MCF2L2: variants seen among roughly 807,000 people sequenced by gnomAD.
MCF2L2 encodes the protein MCF.2 cell line derived transforming sequence-like 2, also known as probable guanine nucleotide exchange factor MCF2L2.
Under a neutral mutation model 150.2 loss-of-function variants are expected in MCF2L2, and 102 were observed. The observed-to-expected ratio is 0.68, with a 90% CI of 0.58 to 0.80. The LOEUF (loss-of-function observed/expected upper bound fraction) is 0.80, where lower values mean the gene tolerates loss of function less well. MCF2L2 is among the 30% of genes least tolerant of loss of function. The probability of loss-of-function intolerance (pLI) is 0.00; values close to 1 mark genes in which losing one functional copy is unlikely to be tolerated. For missense variants in MCF2L2, 1,256 were observed against 1,372.8 expected (o/e 0.91, Z 1.34); for synonymous variants, 465 against 491.3 (o/e 0.95, Z 0.71).
intron 25 of MCF2L2, among the ~76,000 whole-genome samples, chr3:183,204,403 G>A (rs1228459773): frequency 6.6e-6 from 1 of 151,958 alleles, no homozygotes; most frequent in Non-Finnish European, 1.5e-5. Flanking sequence ...CACTAGCCAT[G>A]AGGGAAATGT....
intron 14 of MCF2L2, among the ~76,000 whole-genome samples, chr3:183,279,612 G>A (rs1193782989): frequency 6.6e-6 from 1 of 152,196 alleles, no homozygotes; most frequent in Non-Finnish European, 1.5e-5. Flanking sequence ...TGTCATTCAT[G>A]GCCTGCCCTA....
At chr3:183,253,309 T>C (rs1724685061) in intron 15 of MCF2L2, 1 of 150,962 alleles carries the variant, frequency 6.6e-6, no homozygotes. Context: ...GCCCGTCCAG[T>C]CCTCGCCCAA....
At chr3:183,193,184 CT>C (rs1310202466) in intron 26 of MCF2L2, 88 bp from the exon 27 acceptor site, 1 of 1,067,276 alleles carries the variant, frequency 9.4e-7, no homozygotes, top group Non-Finnish European at 1.4e-6. Flanking sequence ...GCTGGCCCAC[CT>C]AGTGTATCTC....
At chr3:183,276,689 T>C (rs926498670) in intron 15 of MCF2L2, 183 bp downstream of exon 15, 1 of 468,796 alleles carries the variant, frequency 2.1e-6, no homozygotes, top group African/African-American at 2.0e-5. Flanking sequence ...TAAGCTCTTT[T>C]GCTTGTTGCT....
At chr3:183,389,571 TC>T in intron 2 of MCF2L2, 124 bp downstream of exon 2, 1 of 761,686 alleles carries the variant, frequency 1.3e-6, no homozygotes, top group South Asian at 1.6e-5. Context: ...CCTGTTCTAG[TC>T]CCGGGTGAAG....
intron 5 of MCF2L2, among the ~76,000 whole-genome samples, chr3:183,330,781 C>G (rs1411433085): frequency 1.3e-5 from 2 of 152,042 alleles, no homozygotes; most frequent in Admixed American, 6.6e-5. Context: ...TAATTGTGCT[C>G]ATCAAACCCA....
intron 14 of MCF2L2, among the ~76,000 whole-genome samples, chr3:183,279,820 A>G (rs1727371870): frequency 6.6e-6 from 1 of 152,200 alleles, no homozygotes; most frequent in Non-Finnish European, 1.5e-5. Context: ...CACGAGGTCA[A>G]GAGTTCAAGA....
intron 12 of MCF2L2, 108 bp downstream of exon 12, chr3:183,296,868 A>T: frequency 7.9e-7 from 1 of 1,268,802 alleles, no homozygotes; most frequent in Admixed American, 2.7e-5. Flanking sequence ...AGCCCACTCA[A>T]TTCAGCCTGC....
intron 5 of MCF2L2, among the ~76,000 whole-genome samples, chr3:183,332,229 G>T (rs1405994184): frequency 6.6e-6 from 1 of 152,198 alleles, no homozygotes; most frequent in Non-Finnish European, 1.5e-5. Context: ...CGTTTCTGGA[G>T]CATCAGCGCT....
chr3:183,288,728 C>T (rs1727939502), intron 14 of MCF2L2, among the ~76,000 whole-genome samples: 2 of 152,202 alleles, frequency 1.3e-5, no homozygotes, highest in South Asian at 2.1e-4. Context: ...GATCTTCCCA[C>T]CTCGGCCTCC....
chr3:183,344,014 A>G (rs970898358), intron 3 of MCF2L2, among the ~76,000 whole-genome samples: 10 of 151,982 alleles, frequency 6.6e-5, no homozygotes, highest in Non-Finnish European at 1.5e-4. Flanking sequence ...ACTAAAATTT[A>G]AAAAAATTAG....
chr3:183,318,378 G>T (rs3732593), intron 6 of MCF2L2, among the ~76,000 whole-genome samples, 161 bp from the exon 7 acceptor site: 40,432 of 152,056 alleles, frequency 0.27, 6,844 homozygotes, highest in African/African-American at 0.48. Context: ...TTAAAAAGAG[G>T]CTGGTTTTAG....
rs765005895 is a variant in MCF2L2, at chr3:183,300,115, T to C, written c.1195A>G (p.Arg399Gly). 2 of 1,614,046 alleles carry C rather than the reference T, an allele frequency of 1.2e-6. No individual in the cohort carries two copies. The highest frequency in any genetic ancestry group is 1.1e-5 in the South Asian group (1 of 91,056). Residue 399 changes from arginine to glycine, a missense_variant, in exon 11 of 30, where the codon AGG (arginine) becomes GGG (glycine). Transcript: ENST00000328913. ...QSHHYAADAIRPRCVELRHLC... is the reference protein window; with the variant it reads ...QSHHYAADAIGPRCVELRHLC... Reference sequence around the variant, plus strand: ...TGCCTGAGCTCCACACACCGGGGCCTGATGGCATCTGCTGCATAATGGTGG... The same window carrying C: ...TGCCTGAGCTCCACACACCGGGGCCCGATGGCATCTGCTGCATAATGGTGG...
At chr3:183,282,303 C>T (rs1436491245) in intron 14 of MCF2L2, among the ~76,000 whole-genome samples, 8 of 151,984 alleles carry the variant, frequency 5.3e-5, no homozygotes, top group East Asian at 3.9e-4. Flanking sequence ...CTCAGCCTCC[C>T]GAGTAGCTGG....
chr3:183,193,727 A>G (rs951915064), intron 26 of MCF2L2, among the ~76,000 whole-genome samples: 4 of 152,116 alleles, frequency 2.6e-5, no homozygotes, highest in African/African-American at 9.7e-5. Context: ...CTTCCTCTTT[A>G]CTGACCCAAA....
rs745972806 is a variant in MCF2L2, at chr3:183,389,785, CA to C, written c.77-7del. On this transcript the variant is annotated splice_region_variant and splice_polypyrimidine_tract_variant and intron_variant, in intron 1 of 29. Transcript: ENST00000328913. ...TTCCTGCTGCATAATTTCATCTGCA[CA>C]AATGAAATACAAAGTGGGTTAGTTA... 3 of 1,609,374 alleles carry C rather than the reference CA, an allele frequency of 1.9e-6. No homozygotes were observed. The highest frequency in any genetic ancestry group is 2.6e-6 in the Non-Finnish European group (3 of 1,175,914).
At chr3:183,317,823 C>G (rs1005422077) in intron 7 of MCF2L2, among the ~76,000 whole-genome samples, 15 of 152,158 alleles carry the variant, frequency 9.9e-5, no homozygotes, top group African/African-American at 3.1e-4. Flanking sequence ...TCTTCACTCA[C>G]CACCCAGTCT....
At chr3:183,421,313 A>G (rs959904910) in intron 1 of MCF2L2, among the ~76,000 whole-genome samples, 2 of 152,128 alleles carry the variant, frequency 1.3e-5, no homozygotes, top group Middle Eastern at 3.2e-3. Flanking sequence ...TGCACTTACT[A>G]GTGTCTCACA....
Position 183,179,320 on chromosome 3 carries a change from C to T in MCF2L2, c.*60G>A. The T allele has an allele frequency of 2.2e-6, 3 of 1,384,112 alleles. No homozygotes were observed. In the South Asian group the frequency reaches 4.9e-5, roughly 23 times the overall value. The allele number at this position is 1,384,112 out of a possible 1,614,324, so 85.7% of individuals were successfully genotyped here. The stretch of plus-strand genomic sequence containing the variant: ...GCTGGGCAGGGCCCGGGCCCCCACA[C>T]CGCCTCTCCCGGGAATGCGGGCGCT... On this transcript the variant is annotated 3_prime_UTR_variant, in exon 30 of 30. Transcript: ENST00000328913. The surrounding 1 kb of genome is among the most constrained non-coding windows in gnomAD (Gnocchi z 4.2).
Sources: allele counts gnomAD v4.1 joint callset (sites outside exome capture counted in the v4.1 genomes callset), GRCh38; gene constraint gnomAD v4.1.1; non-coding constraint Gnocchi (gnomAD v3.1); transcripts MANE v1.5; gene names NCBI Gene and HGNC (gene_info 2026-07-23, HGNC 2026-07-21).